SLC22A4: variants seen among roughly 807,000 people sequenced by gnomAD.
The protein encoded by SLC22A4 is ET transporter.
A neutral mutation model predicts 56.6 loss-of-function variants in SLC22A4; 39 were observed. The ratio of observed to expected loss-of-function variants is 0.69; its 90% confidence interval spans 0.53 to 0.90. The LOEUF (loss-of-function observed/expected upper bound fraction) is 0.90, where lower values mean the gene tolerates loss of function less well. SLC22A4 is among the 40% of genes least tolerant of loss of function. The probability of loss-of-function intolerance (pLI) is 0.00; values close to 1 mark genes in which losing one functional copy is unlikely to be tolerated. For missense variants in SLC22A4, 594 were observed against 696.5 expected (o/e 0.85, Z 1.66); for synonymous variants, 241 against 281.4 (o/e 0.86, Z 1.44).
chr5:132,335,984 C>G lies in SLC22A4; in HGVS notation c.1428C>G (p.Pro476=), dbSNP rs1330152419. 3 of 1,614,132 alleles carry G rather than the reference C, an allele frequency of 1.9e-6. No individual in the cohort carries two copies. In the South Asian group the frequency reaches 3.3e-5, roughly 18 times the overall value. ...TASRVGSIIA[P]YFVYLGAYNR... ...CCAGAGTGGGCAGCATCATTGCCCCCTACTTTGTTTACCTCGGTGAGCTGC... is the reference window on the plus strand; with the variant it reads ...CCAGAGTGGGCAGCATCATTGCCCCGTACTTTGTTTACCTCGGTGAGCTGC... Residue 476 remains proline (P), a synonymous_variant, in exon 8 of 10, where the codon CCC becomes CCG. Coordinates refer to ENST00000200652, the MANE Select transcript of SLC22A4 (RefSeq NM_003059.3).
chr5:132,334,646 A>G, intron 6 of SLC22A4, 72 bp from the exon 7 acceptor site: 2 of 1,032,034 alleles, frequency 1.9e-6, no homozygotes, highest in Non-Finnish European at 1.5e-6. Context: ...AGATATAGAG[A>G]ATTTCTTGAC....
In SLC22A4 at chr5:132,306,759, A is replaced by G. The variant is rs115253290; in HGVS notation, c.394-5402A>G. 3.2e-3 allele frequency among the ~76,000 whole-genome samples: 492 copies of G among 152,202 alleles called. 2 individuals are homozygous for G. Among genetic ancestry groups the G allele is most frequent in the African/African-American group, 0.01 (424 of 41,528 alleles). ...CCGCACCCAGCCCAAACCATGGCATATTATTAAACCATAAAAAGTAATGAA... is the reference window on the plus strand; with the variant it reads ...CCGCACCCAGCCCAAACCATGGCATGTTATTAAACCATAAAAAGTAATGAA... On this transcript the variant is annotated intron_variant, in intron 1 of 9. Coordinates refer to ENST00000200652, the MANE Select transcript of SLC22A4 (RefSeq NM_003059.3).
intron 1 of SLC22A4, among the ~76,000 whole-genome samples, chr5:132,310,121 A>G (rs771206192): frequency 6.6e-6 from 1 of 152,154 alleles, no homozygotes; most frequent in African/African-American, 2.4e-5. Context: ...ATCATATTTA[A>G]TAAGCTCATT....
chr5:132,340,195 C>A (rs1057187245), intron 8 of SLC22A4, among the ~76,000 whole-genome samples: 5 of 148,332 alleles, frequency 3.4e-5, no homozygotes. Flanking sequence ...CCTGAAACAT[C>A]CTGGTTAACC....
At position 132,303,957 on chromosome 5, in the gene SLC22A4, T is replaced by C. The variant is rs147864475; in HGVS notation, c.394-8204T>C. Among the ~76,000 whole-genome samples, 861 of 152,304 alleles carry C rather than the reference T, an allele frequency of 5.7e-3. 9 individuals carry two copies. Among genetic ancestry groups the C allele is most frequent in the African/African-American group, 0.02 (836 of 41,564 alleles). On this transcript the variant is annotated intron_variant, in intron 1 of 9. Coordinates refer to ENST00000200652, the MANE Select transcript of SLC22A4 (RefSeq NM_003059.3). ...AACGAACTTTATTTGAAATAGAGTG[T>C]GTGAAAGGACAGCCTAAGATTGCTC...
At chr5:132,309,715 TTAA>T (rs1331918516) in intron 1 of SLC22A4, among the ~76,000 whole-genome samples, 1 of 152,280 alleles carries the variant, frequency 6.6e-6, no homozygotes, top group East Asian at 1.9e-4. Flanking sequence ...ATTGAAATTC[TTAA>T]TAATTTTTGA....
intron 5 of SLC22A4, among the ~76,000 whole-genome samples, chr5:132,330,134 G>A (rs1030630972): frequency 9.2e-5 from 14 of 152,194 alleles, no homozygotes; most frequent in Admixed American, 6.5e-5. Context: ...AGAGAGAAAA[G>A]GCAATGTGGC....
At chr5:132,308,501 A>T (rs1392766558) in intron 1 of SLC22A4, among the ~76,000 whole-genome samples, 1 of 146,706 alleles carries the variant, frequency 6.8e-6, no homozygotes, top group Non-Finnish European at 1.5e-5. Flanking sequence ...TACCCATCTC[A>T]CATGCCAACC....
At chr5:132,301,815 G>C (rs1286466105) in intron 1 of SLC22A4, among the ~76,000 whole-genome samples, 5 of 151,608 alleles carry the variant, frequency 3.3e-5, no homozygotes, top group African/African-American at 1.2e-4. Flanking sequence ...GTGATAGGCA[G>C]GTTTGTGGAG....
At chr5:132,310,023 C>G (rs894751569) in intron 1 of SLC22A4, among the ~76,000 whole-genome samples, 1 of 152,240 alleles carries the variant, frequency 6.6e-6, no homozygotes, top group African/African-American at 2.4e-5. Flanking sequence ...TTGGCTCAGT[C>G]TGAGGCTAAA....
At chr5:132,323,941 C>T (rs891370649) in intron 4 of SLC22A4, among the ~76,000 whole-genome samples, 7 of 152,094 alleles carry the variant, frequency 4.6e-5, no homozygotes, top group African/African-American at 1.7e-4. Context: ...ACCTGTAATC[C>T]CAGCACTTTG....
Position 132,324,689 on chromosome 5 carries a change from G to A in SLC22A4, c.824+2334G>A. ...CTCATCAGTCTAGTGGTTGGGGTAT[G>A]GAGGGATGCTTAGAGCTGACATGGA... On this transcript the variant is annotated intron_variant, in intron 4 of 9. Coordinates refer to ENST00000200652, the MANE Select transcript of SLC22A4 (RefSeq NM_003059.3). 2.3e-5 allele frequency: 10 copies of A among 427,712 alleles called. 1 individual carries two copies. Among genetic ancestry groups the A allele is most frequent in the South Asian group, 1.8e-4 (10 of 56,566 alleles). The allele number at this position is 427,712 out of a possible 1,614,324, so 26.5% of individuals were successfully genotyped here.
chr5:132,340,540 T>A (rs779493006), intron 8 of SLC22A4, 25 bp from the exon 9 acceptor site: 26 of 1,612,758 alleles, frequency 1.6e-5, no homozygotes, highest in Middle Eastern at 1.6e-4. Flanking sequence ...ATCTGATTGA[T>A]GTTCTTATGT....
intron 1 of SLC22A4, among the ~76,000 whole-genome samples, chr5:132,299,406 T>A (rs1028516854): frequency 7.1e-6 from 1 of 141,600 alleles, no homozygotes; most frequent in Non-Finnish European, 1.5e-5. Context: ...TTTATTTTAT[T>A]TTATTTTATT....
chr5:132,327,150 T>C (rs897084655), intron 4 of SLC22A4, 127 bp from the exon 5 acceptor site: 1 of 702,012 alleles, frequency 1.4e-6, no homozygotes, highest in South Asian at 2.1e-5. Flanking sequence ...AGAAATCTTA[T>C]GTGGACTCCC....
At chr5:132,295,051 C>T (rs750929867) in intron 1 of SLC22A4, 42 bp downstream of exon 1, 1 of 1,573,412 alleles carries the variant, frequency 6.4e-7, no homozygotes, top group Non-Finnish European at 8.6e-7. Flanking sequence ...AGTGCCTGAC[C>T]CTCCCTCTGC....
chr5:132,336,832 T>C (rs1359935568), intron 8 of SLC22A4, among the ~76,000 whole-genome samples: 1 of 152,006 alleles, frequency 6.6e-6, no homozygotes, highest in African/African-American at 2.4e-5. Flanking sequence ...AAAATGTCTG[T>C]AGGGCTACTC....
At chr5:132,340,844 A>C (rs1026670486) in intron 9 of SLC22A4, 144 bp downstream of exon 9, 4 of 888,192 alleles carry the variant, frequency 4.5e-6, no homozygotes, top group African/African-American at 1.6e-5. Flanking sequence ...GGCTGGGCAC[A>C]GTGGCTCACG....
intron 4 of SLC22A4, among the ~76,000 whole-genome samples, chr5:132,326,995 T>G (rs1561543789): frequency 6.6e-6 from 1 of 152,214 alleles, no homozygotes; most frequent in Admixed American, 6.5e-5. Flanking sequence ...GATGAACTTC[T>G]CCAGAGCCCT....
Sources: gnomAD v4.1 joint callset for allele counts (sites outside exome capture counted in the v4.1 genomes callset) on GRCh38, gnomAD v4.1.1 for gene constraint, MANE v1.5 for transcripts, NCBI Gene and HGNC (gene_info 2026-07-23, HGNC 2026-07-21) for gene names.